Variants in STAC observed in about 807,000 individuals in gnomAD.
The protein encoded by STAC is SH3 and cysteine-rich domain-containing protein.
Under a neutral mutation model 48.8 loss-of-function variants are expected in STAC, and 43 were observed. The ratio of observed to expected loss-of-function variants is 0.88; its 90% confidence interval spans 0.69 to 1.14. The LOEUF (loss-of-function observed/expected upper bound fraction) is 1.14, where lower values mean the gene tolerates loss of function less well. Among genes scored for constraint, STAC ranks in the 50% most tolerant of loss-of-function variants. The probability of loss-of-function intolerance (pLI) is 0.00; values close to 1 mark genes in which losing one functional copy is unlikely to be tolerated. For missense variants in STAC, 497 were observed against 504.0 expected, an observed-to-expected ratio of 0.99 and a Z score of 0.13; for synonymous variants, 193 against 179.5, an observed-to-expected ratio of 1.07 and a Z score of -0.60.
rs1431670461 is a variant in STAC at position 36,443,813 on chromosome 3, C to G, written c.388+173C>G. Among the ~76,000 whole-genome samples, 1 of 152,164 alleles carries G rather than the reference C, an allele frequency of 6.6e-6. No individual in the cohort carries two copies. Among genetic ancestry groups the G allele is most frequent in the African/African-American group, 2.4e-5 (1 of 41,446 alleles). On this transcript the variant is annotated intron_variant, in intron 2 of 10. Transcript: ENST00000273183. This position sits in a 1 kb window ranked among gnomAD's most constrained non-coding sequence, Gnocchi z 4.2. ...AATATTTGTGAGAAGGTAAGGGAAG[C>G]AGCACTGGGTAGTGGGAGAAGTTGG...
At chr3:36,519,557 C>T (rs1461204082) in intron 8 of STAC, among the ~76,000 whole-genome samples, 1 of 152,232 alleles carries the variant, frequency 6.6e-6, no homozygotes, top group Non-Finnish European at 1.5e-5. Flanking sequence ...GAGTAGGTAA[C>T]ACTTTATCCC....
At chr3:36,505,917 C>T (rs1010782294) in intron 8 of STAC, 83 bp downstream of exon 8, 3 of 873,656 alleles carry the variant, frequency 3.4e-6, no homozygotes, top group African/African-American at 3.4e-5. Context: ...CCATCTGTGC[C>T]CCTCCTAATG....
chr3:36,482,474 G>T, intron 2 of STAC, among the ~76,000 whole-genome samples: 1 of 152,098 alleles, frequency 6.6e-6, no homozygotes, highest in East Asian at 1.9e-4. Context: ...CTTTCCCCAG[G>T]CTGGGGTTGG....
chr3:36,403,107 T>G (rs981861150), intron 1 of STAC, among the ~76,000 whole-genome samples: 2 of 152,218 alleles, frequency 1.3e-5, no homozygotes, highest in Non-Finnish European at 2.9e-5. Context: ...GGAACTGTTT[T>G]TTATTTCTTT....
At chr3:36,530,493 C>A (rs776944824) in intron 10 of STAC, among the ~76,000 whole-genome samples, 1 of 151,674 alleles carries the variant, frequency 6.6e-6, no homozygotes, top group Non-Finnish European at 1.5e-5. Context: ...ACTTAATCAA[C>A]CATTGTATAG....
At chr3:36,384,264 T>A (rs1226053508) in intron 1 of STAC, among the ~76,000 whole-genome samples, 1 of 152,160 alleles carries the variant, frequency 6.6e-6, no homozygotes, top group Non-Finnish European at 1.5e-5. Flanking sequence ...TGTCATCACT[T>A]ATATGACACA....
chr3:36,417,613 A>G (rs1700349138), intron 1 of STAC, among the ~76,000 whole-genome samples: 1 of 152,250 alleles, frequency 6.6e-6, no homozygotes, highest in Non-Finnish European at 1.5e-5. Context: ...TATTTTACTT[A>G]AAGTTTCTCT....
chr3:36,528,564 A>G, intron 8 of STAC, 132 bp from the exon 9 acceptor site: 1 of 748,804 alleles, frequency 1.3e-6, no homozygotes, highest in East Asian at 2.9e-5. Flanking sequence ...AAGAACTGGT[A>G]AAAGTTATAT....
chr3:36,472,453 T>TC (rs1258805714), intron 2 of STAC, among the ~76,000 whole-genome samples: 1 of 152,272 alleles, frequency 6.6e-6, no homozygotes, highest in Non-Finnish European at 1.5e-5. Context: ...CTTGAATTTC[T>TC]CCCCAGAAAA....
rs1035697395 is a variant in STAC at position 36,529,670 on chromosome 3, T to C, written c.1110+685T>C. 7.9e-5 allele frequency among the ~76,000 whole-genome samples: 12 copies of C among 152,182 alleles called. No individual in the cohort carries two copies. In the South Asian group the frequency reaches 1.7e-3, roughly 21 times the overall value. On this transcript the variant is annotated intron_variant, in intron 10 of 10. Transcript: ENST00000273183. ...CACCATCTCATGGCTGGAATGTTGATAGAGACAAAGAAACAGCATTCTCAC... is the reference window on the plus strand; with the variant it reads ...CACCATCTCATGGCTGGAATGTTGACAGAGACAAAGAAACAGCATTCTCAC...
At chr3:36,500,336 A>T (rs1231069841) in intron 6 of STAC, among the ~76,000 whole-genome samples, 2 of 152,228 alleles carry the variant, frequency 1.3e-5, no homozygotes, top group East Asian at 3.8e-4. Context: ...TAAACAAACC[A>T]ATGCAGAAAC....
At chr3:36,458,099 T>C (rs1160453789) in intron 2 of STAC, among the ~76,000 whole-genome samples, 2 of 151,960 alleles carry the variant, frequency 1.3e-5, no homozygotes, top group Non-Finnish European at 2.9e-5. Context: ...GGCCCTGGGG[T>C]CTTCACATTT....
At chr3:36,522,176 T>C (rs1698824260) in intron 8 of STAC, among the ~76,000 whole-genome samples, 1 of 152,198 alleles carries the variant, frequency 6.6e-6, no homozygotes, top group South Asian at 2.1e-4. Context: ...TAAATATAAT[T>C]GAGATAGCCA....
At chr3:36,484,492 T>A (rs755961916) in intron 3 of STAC, among the ~76,000 whole-genome samples, 6 of 152,230 alleles carry the variant, frequency 3.9e-5, no homozygotes, top group Non-Finnish European at 7.3e-5. Flanking sequence ...AAACAGAGAA[T>A]AGAATCCAGA....
chr3:36,444,863 C>CATCT (rs1351255284), intron 2 of STAC, among the ~76,000 whole-genome samples: 2 of 152,190 alleles, frequency 1.3e-5, no homozygotes, highest in African/African-American at 4.8e-5. Context: ...TAATGCCTAG[C>CATCT]ATCTGACTGT....
In STAC at chr3:36,547,894, G is replaced by A. The variant is rs1286461403; in HGVS notation, c.*1605G>A. On this transcript the variant is annotated 3_prime_UTR_variant, in exon 11 of 11. Coordinates refer to ENST00000273183, the MANE Select transcript of STAC (RefSeq NM_003149.3). ...GATGGATTCTTTGAGAGCCAGGGTAGATCATATGACTGCCTTTCTGTAAAA... is the reference window on the plus strand; with the variant it reads ...GATGGATTCTTTGAGAGCCAGGGTAAATCATATGACTGCCTTTCTGTAAAA... The A allele has an allele frequency of 1.3e-5, 2 of 152,130 alleles. No individual in the cohort carries two copies. The highest frequency in any genetic ancestry group is 2.9e-5 in the Non-Finnish European group (2 of 68,016). The allele number at this position is 152,130 out of a possible 1,614,324, so 9.4% of individuals were successfully genotyped here.
intron 8 of STAC, chr3:36,506,040 C>A (rs77041422): frequency 8.3e-4 from 333 of 403,232 alleles, no homozygotes; most frequent in African/African-American, 6.3e-3. Context: ...GGCAGGGCCT[C>A]AGAAGTTGCA....
chr3:36,467,471 T>C (rs1286970995), intron 2 of STAC, among the ~76,000 whole-genome samples: 2 of 152,104 alleles, frequency 1.3e-5, no homozygotes, highest in Non-Finnish European at 2.9e-5. Flanking sequence ...TCTGTGCGGT[T>C]CTGGACTTTT....
intron 2 of STAC, among the ~76,000 whole-genome samples, chr3:36,475,260 T>A (rs1438033152): frequency 6.7e-6 from 1 of 148,406 alleles, no homozygotes; most frequent in Non-Finnish European, 1.5e-5. Context: ...ATACATCATG[T>A]TATTTTTTTT....
Sources: allele counts gnomAD v4.1 joint callset (sites outside exome capture counted in the v4.1 genomes callset), GRCh38; gene constraint gnomAD v4.1.1; non-coding constraint Gnocchi (gnomAD v3.1); transcripts MANE v1.5; gene names NCBI Gene and HGNC (gene_info 2026-07-23, HGNC 2026-07-21).